The following C2orf76 variants were observed in gnomAD, a reference collection of about 807,000 sequenced individuals.
C2orf76 encodes chromosome 2 open reading frame 76.
C2orf76 carries 23 observed loss-of-function variants against 16.9 expected under a neutral mutation model. The ratio of observed to expected loss-of-function variants is 1.36; its 90% CI spans 0.98 to 1.93. The LOEUF (loss-of-function observed/expected upper bound fraction) is 1.93. Ranked by LOEUF, C2orf76 falls within the 30% of genes most tolerant of loss-of-function variation. C2orf76 has a pLI of 0.00. For synonymous variants in C2orf76, 48 were observed against 52.3 expected (o/e 0.92, Z 0.35); for missense variants, 152 against 152.6 (o/e 1.00, Z 0.02).
At chr2:119,285,972 A>G in the C2orf76 span, among the ~76,000 whole-genome samples, 1 of 152,292 alleles carries the variant, frequency 6.6e-6, no homozygotes, top group South Asian at 2.1e-4. Context: ...TCACGCCTGT[A>G]ATCCCAGCAC....
At chr2:119,355,871 T>C (rs546361985) in intron 1 of C2orf76, among the ~76,000 whole-genome samples, 4 of 152,256 alleles carry the variant, frequency 2.6e-5, no homozygotes, top group South Asian at 2.1e-4. Context: ...ACCCCACTAA[T>C]GACTGCAAAA....
At chr2:119,304,433 G>A (rs1678713152) in intron 5 of C2orf76, among the ~76,000 whole-genome samples, 1 of 152,214 alleles carries the variant, frequency 6.6e-6, no homozygotes, top group African/African-American at 2.4e-5. Flanking sequence ...GTTCAGAGAA[G>A]CTGCTGGAAA....
chr2:119,340,554 CTCATTTAAT>C (rs1293124364), intron 1 of C2orf76, among the ~76,000 whole-genome samples: 1 of 152,106 alleles, frequency 6.6e-6, no homozygotes, highest in Non-Finnish European at 1.5e-5. Context: ...TTAATGTTAT[CTCATTTAAT>C]TCATTTAATT....
intron 2 of C2orf76, among the ~76,000 whole-genome samples, chr2:119,334,335 A>G (rs1451853585): frequency 7.1e-6 from 1 of 141,740 alleles, no homozygotes; most frequent in Non-Finnish European, 1.5e-5. Context: ...TCAAAAACCC[A>G]AAGAACTTTG....
intron 1 of C2orf76, among the ~76,000 whole-genome samples, chr2:119,340,787 C>T (rs1217888692): frequency 4.8e-5 from 7 of 146,174 alleles, no homozygotes; most frequent in Non-Finnish European, 7.6e-5. Flanking sequence ...CACACACACA[C>T]ACACACACAC....
At chr2:119,329,326 C>G (rs1489190646) in intron 2 of C2orf76, among the ~76,000 whole-genome samples, 3 of 152,206 alleles carry the variant, frequency 2.0e-5, no homozygotes, top group Non-Finnish European at 4.4e-5. Context: ...GATACTAATA[C>G]AGTCCCTCCA....
At chr2:119,328,820 C>G (rs1477911722) in intron 2 of C2orf76, among the ~76,000 whole-genome samples, 2 of 152,098 alleles carry the variant, frequency 1.3e-5, no homozygotes, top group Non-Finnish European at 2.9e-5. Context: ...AATACCTTCC[C>G]TTTTGATCTC....
intron 1 of C2orf76, among the ~76,000 whole-genome samples, chr2:119,364,767 T>C (rs551922381): frequency 8.3e-4 from 127 of 152,214 alleles, no homozygotes; most frequent in South Asian, 3.3e-3. Flanking sequence ...TCTTGCATTC[T>C]CAGAATTATG....
chr2:119,330,945 G>T (rs1679657947), intron 2 of C2orf76, among the ~76,000 whole-genome samples: 1 of 151,772 alleles, frequency 6.6e-6, no homozygotes, highest in South Asian at 2.1e-4. Context: ...CGAACATTTT[G>T]CAATATGGTC....
intron 4 of C2orf76, among the ~76,000 whole-genome samples, chr2:119,312,103 C>T (rs986518910): frequency 1.3e-5 from 2 of 152,266 alleles, no homozygotes; most frequent in South Asian, 2.1e-4. Flanking sequence ...CAGTGCCGGC[C>T]GCAGGGTGAG....
chr2:119,349,982 T>C (rs997034525), intron 1 of C2orf76, among the ~76,000 whole-genome samples: 1 of 151,110 alleles, frequency 6.6e-6, no homozygotes, highest in African/African-American at 2.4e-5. Flanking sequence ...CAGGTGGGTA[T>C]TGAACTCCTG....
At chr2:119,314,014 G>GTTTTTTTTTTTTTTTTT (rs368623211) in intron 4 of C2orf76, among the ~76,000 whole-genome samples, 2 of 86,166 alleles carry the variant, frequency 2.3e-5, no homozygotes, top group African/African-American at 5.0e-5. Context: ...TTTCTCAGTG[G>GTTTTTTTTTTTTTTTTT]TTTTTTTTTT....
At chr2:119,286,528 G>A in the C2orf76 span, among the ~76,000 whole-genome samples, 1 of 152,096 alleles carries the variant, frequency 6.6e-6, no homozygotes, top group African/African-American at 2.4e-5. Context: ...AGGAGGAGGT[G>A]CCAAATTCCA....
intron 5 of C2orf76, among the ~76,000 whole-genome samples, chr2:119,309,296 T>C (rs1678900927): frequency 6.6e-6 from 1 of 152,160 alleles, no homozygotes; most frequent in Non-Finnish European, 1.5e-5. Context: ...CTATTTTTTA[T>C]GTGTGAGTTA....
the C2orf76 span, among the ~76,000 whole-genome samples, chr2:119,288,332 A>G: frequency 6.6e-6 from 1 of 151,708 alleles, no homozygotes; most frequent in South Asian, 2.1e-4. Context: ...AATTTTTTGT[A>G]TTTTTAGTAG....
the C2orf76 span, among the ~76,000 whole-genome samples, chr2:119,295,938 A>G: frequency 6.6e-6 from 1 of 152,318 alleles, no homozygotes; most frequent in South Asian, 2.1e-4. Flanking sequence ...TGACAACTAT[A>G]TGACCCTCTC....
chr2:119,313,182 T>C (rs1679052440), intron 4 of C2orf76, among the ~76,000 whole-genome samples: 1 of 151,996 alleles, frequency 6.6e-6, no homozygotes, highest in Non-Finnish European at 1.5e-5. Flanking sequence ...CAGAAAGGCC[T>C]CTCAGCAGCC....
intron 1 of C2orf76, chr2:119,340,397 T>C (rs1433579934): frequency 6.4e-6 from 1 of 156,638 alleles, no homozygotes; most frequent in Non-Finnish European, 1.4e-5. Flanking sequence ...GAATCAACTA[T>C]CAACAGACAG....
intron 2 of C2orf76, among the ~76,000 whole-genome samples, chr2:119,325,922 T>C (rs1679495959): frequency 6.6e-6 from 1 of 152,246 alleles, no homozygotes; most frequent in African/African-American, 2.4e-5. Flanking sequence ...GTCTTATTAT[T>C]GAGTTATAAG....
Sources: allele counts gnomAD v4.1 joint callset (sites outside exome capture counted in the v4.1 genomes callset), GRCh38; gene constraint gnomAD v4.1.1; transcripts MANE v1.5; gene names NCBI Gene and HGNC (gene_info 2026-07-23, HGNC 2026-07-21).